The following FCHO1 variants were observed in gnomAD, a reference collection of about 807,000 sequenced individuals.
FCHO1 encodes the protein F-BAR domain only protein 1.
A neutral mutation model predicts 114.4 loss-of-function variants in FCHO1; 45 were observed. The ratio of observed to expected loss-of-function variants is 0.39; its 90% confidence interval spans 0.31 to 0.50. The LOEUF (loss-of-function observed/expected upper bound fraction) is 0.50. FCHO1 is among the 20% of genes least tolerant of loss of function. The pLI, the probability that FCHO1 is intolerant of heterozygous loss-of-function variation, is 0.77. For missense variants in FCHO1, 1,042 were observed against 1,209.6 expected (o/e 0.86, Z 2.06); for synonymous variants, 480 against 488.9 (o/e 0.98, Z 0.24).
In FCHO1 at chr19:17,766,814, T is replaced by A; in HGVS notation, c.336+4T>A. 1 of 1,611,260 alleles carries A rather than the reference T, an allele frequency of 6.2e-7. No homozygotes were observed. On this transcript the variant is annotated splice_donor_region_variant and intron_variant, in intron 7 of 28. Transcript: ENST00000596536. ...ACAGCTCAAGACCCACAAGAAGGTG[T>A]GTGTCGTGGGCGCCGCCCAGCGGCT...
In FCHO1 at chr19:17,778,211, A is replaced by C; in HGVS notation, c.1334A>C (p.Asp445Ala). ...GGGCCGCCCCTGGAGTCAGCCTTTG[A>C]CCACGAAGATTTTACAGGTGATGGG... is the stretch of plus-strand genomic sequence containing the variant. ...LFGPPLESAF[D>A]HEDFTGSSSL... The change falls in exon 19 of 29, where the codon GAC becomes GCC. Residue 445 changes from aspartate to alanine, a missense_variant. Coordinates refer to ENST00000596536, the MANE Select transcript of FCHO1 (RefSeq NM_015122.3). The C allele has an allele frequency of 1.2e-6, 2 of 1,613,710 alleles. No individual in the cohort carries two copies. The highest frequency in any genetic ancestry group is 1.7e-6 in the Non-Finnish European group (2 of 1,179,800).
intron 22 of FCHO1, 25 bp downstream of exon 22, chr19:17,781,564 G>C (rs28662961): frequency 1.2e-6 from 2 of 1,612,152 alleles, no homozygotes; most frequent in Non-Finnish European, 1.7e-6. Context: ...TCCTGGGCCT[G>C]GCTTTGGGCC....
intron 19 of FCHO1, 159 bp from the exon 20 acceptor site, chr19:17,778,450 G>A: frequency 1.1e-6 from 1 of 879,896 alleles, no homozygotes; most frequent in Non-Finnish European, 1.7e-6. Context: ...CATTTGTGGA[G>A]AGGGAAGTCA....
chr19:17,757,355 C>T (rs1439642105), intron 4 of FCHO1, among the ~76,000 whole-genome samples: 1 of 152,102 alleles, frequency 6.6e-6, no homozygotes, highest in Non-Finnish European at 1.5e-5. Flanking sequence ...GTCTGGGAAA[C>T]GGGCCAGCAG....
rs775827578 is a variant in FCHO1 at position 17,770,480 on chromosome 19, G to A, written c.392G>A (p.Ser131Asn). 3.7e-6 allele frequency: 6 copies of A among 1,613,928 alleles called. No individual in the cohort carries two copies. Among genetic ancestry groups the A allele is most frequent in the Non-Finnish European group, 5.1e-6 (6 of 1,179,908 alleles). Reference protein sequence around the residue: ...LDAVQVLSGVSQLLPKSRENY... With the variant: ...LDAVQVLSGVNQLLPKSRENY... Reference sequence around the variant, plus strand: ...GCTGTGCAGGTACTCTCGGGCGTCAGCCAGCTCCTGCCCAAGTCCCGCGAG... The same window carrying A: ...GCTGTGCAGGTACTCTCGGGCGTCAACCAGCTCCTGCCCAAGTCCCGCGAG... The change falls in exon 8 of 29, where the codon AGC becomes AAC. Residue 131 changes from serine to asparagine, a missense_variant. By Grantham distance (46) the Ser-to-Asn change is conservative. Coordinates refer to ENST00000596536, the MANE Select transcript of FCHO1 (RefSeq NM_015122.3).
Position 17,772,560 on chromosome 19 carries a change from G to A in FCHO1, c.693+5G>A, listed in dbSNP as rs1278683351. ...ACGCACGTGCAGATTGGGCAGGTGA[G>A]TTGGGCAGGTGTGAGGAATGAGGCT... On this transcript the variant is annotated splice_donor_5th_base_variant and intron_variant, in intron 10 of 28. Coordinates refer to ENST00000596536, the MANE Select transcript of FCHO1 (RefSeq NM_015122.3). 1.9e-6 allele frequency: 3 copies of A among 1,614,098 alleles called. No homozygotes were observed. In the Admixed American group the frequency reaches 5.0e-5, roughly 27 times the overall value.
intron 27 of FCHO1, 32 bp downstream of exon 27, chr19:17,786,661 G>A: frequency 6.4e-7 from 1 of 1,566,202 alleles, no homozygotes; most frequent in Non-Finnish European, 8.8e-7. Flanking sequence ...GGGCTGGGTG[G>A]GAGGGACTGG....
intron 27 of FCHO1, among the ~76,000 whole-genome samples, 174 bp from the exon 28 acceptor site, chr19:17,787,508 C>CCATACAAAGCCCAGTGATGCCA (rs1204506086): frequency 6.6e-5 from 10 of 152,114 alleles, no homozygotes; most frequent in Admixed American, 6.5e-4. Flanking sequence ...CCCTTGCTAG[C>CCATACAAAGCCCAGTGATGCCA]CATACAAAGC....
chr19:17,775,323 C>T lies in FCHO1; in HGVS notation c.946-133C>T. On this transcript the variant is annotated intron_variant, in intron 14 of 28. Transcript: ENST00000596536. This position sits in a 1 kb window ranked among gnomAD's most constrained non-coding sequence, Gnocchi z 5.1. The stretch of plus-strand genomic sequence containing the variant: ...AACCTGCCCACACACCCAGGGAAGA[C>T]AGTCGTTGCCATCAGGGTTGGTTTT... The T allele has an allele frequency of 3.2e-6, 3 of 948,204 alleles. No homozygotes were observed. The highest frequency in any genetic ancestry group is 2.4e-5 in the East Asian group (1 of 41,658). 58.7% of individuals were successfully genotyped at this position (948,204 alleles called of 1,614,324 possible).
In FCHO1 at chr19:17,772,478, A is replaced by T; in HGVS notation, c.616A>T (p.Thr206Ser). The stretch of plus-strand genomic sequence containing the variant: ...TCAGCGCTTCCAAGCCATGGAGGAG[A>T]CACACCTGAGGCACATGAAGGCACT... ...SALRFQAMEE[T>S]HLRHMKALLG... Residue 206 changes from threonine to serine, a missense_variant, in exon 10 of 29, where the codon ACA becomes TCA. Thr to Ser is a moderately conservative substitution (Grantham distance 58). Transcript: ENST00000596536. 6.2e-7 allele frequency: 1 copy of T among 1,613,822 alleles called. No individual in the cohort carries two copies. The highest frequency in any genetic ancestry group is 8.5e-7 in the Non-Finnish European group (1 of 1,179,966).
chr19:17,770,226 G>A (rs529184034), intron 7 of FCHO1, among the ~76,000 whole-genome samples, 199 bp from the exon 8 acceptor site: 6 of 152,236 alleles, frequency 3.9e-5, no homozygotes, highest in South Asian at 2.1e-4. Flanking sequence ...GCTTGAAACC[G>A]GGAGGCAGAG....
chr19:17,754,787 C>G (rs1319961943), intron 3 of FCHO1, 106 bp downstream of exon 3: 4 of 254,370 alleles, frequency 1.6e-5, no homozygotes, highest in Non-Finnish European at 3.1e-5. Context: ...CTGCTCCTAC[C>G]CACTGCTATG....
At position 17,784,471 on chromosome 19, in the gene FCHO1, A is replaced by C. The variant is rs265556; in HGVS notation, c.2226+236A>C. On this transcript the variant is annotated intron_variant, in intron 25 of 28. Transcript: ENST00000596536. This position sits in a 1 kb window ranked among gnomAD's most constrained non-coding sequence, Gnocchi z 5.3. ...ATCCCCTGTTGCAGATAGTATGTTT[A>C]TGTGAACTAGAAGCAGCCCAGCCCC... is the stretch of plus-strand genomic sequence containing the variant. Among the ~76,000 whole-genome samples, 103,744 of 151,942 alleles carry C rather than the reference A, an allele frequency of 0.68. 36,949 individuals are homozygous for C. The highest frequency in any genetic ancestry group is 0.84 in the Middle Eastern group (247 of 294).
chr19:17,777,049 C>T (rs1023112806), intron 18 of FCHO1, among the ~76,000 whole-genome samples: 3 of 151,942 alleles, frequency 2.0e-5, no homozygotes, highest in Admixed American at 1.3e-4. Context: ...CTGCCCACCT[C>T]GGCTTGCCAA....
Position 17,784,613 on chromosome 19 carries a change from AC to A in FCHO1, c.2227-107del. ...ATCCATCAAATCTCCCTGTGACTGG[AC>A]CCCCTTGGGGCGGTGCGTGCATCGC... On this transcript the variant is annotated intron_variant, in intron 25 of 28. Transcript: ENST00000596536. The surrounding 1 kb of genome is among the most constrained non-coding windows in gnomAD (Gnocchi z 5.3). 1.0e-6 allele frequency: 1 copy of A among 998,412 alleles called. No individual in the cohort carries two copies. The allele number at this position is 998,412 out of a possible 1,614,324, so 61.8% of individuals were successfully genotyped here.
At chr19:17,772,206 G>A (rs1167659159) in intron 9 of FCHO1, among the ~76,000 whole-genome samples, 1 of 152,096 alleles carries the variant, frequency 6.6e-6, no homozygotes, top group Admixed American at 6.6e-5. Context: ...GTGTGTGCAA[G>A]CATGCACATG....
At chr19:17,770,958 C>G in intron 9 of FCHO1, 62 bp downstream of exon 9, 2 of 1,425,886 alleles carry the variant, frequency 1.4e-6, no homozygotes, top group Non-Finnish European at 2.0e-6. Context: ...AGGTTATGGA[C>G]TGCAGAAATC....
intron 4 of FCHO1, among the ~76,000 whole-genome samples, chr19:17,760,593 G>A (rs2085732246): frequency 6.6e-6 from 1 of 152,288 alleles, no homozygotes; most frequent in Non-Finnish European, 1.5e-5. Context: ...CTAATGTTAC[G>A]AATTAGCAAA....
chr19:17,748,004 A>G (rs747255756), upstream of FCHO1, among the ~76,000 whole-genome samples: 26 of 152,146 alleles, frequency 1.7e-4, no homozygotes, highest in Non-Finnish European at 2.8e-4. Flanking sequence ...GGGGGTCCGC[A>G]GGCGAAAATG....
Sources: gnomAD v4.1 joint callset for allele counts (sites outside exome capture counted in the v4.1 genomes callset) on GRCh38, gnomAD v4.1.1 for gene constraint, Gnocchi (gnomAD v3.1) non-coding constraint, MANE v1.5 for transcripts, NCBI Gene and HGNC (gene_info 2026-07-23, HGNC 2026-07-21) for gene names.